Variants in NFKBIB observed in about 807,000 individuals in gnomAD.
NFKBIB encodes NF-kappa-B inhibitor beta.
In NFKBIB, 16 loss-of-function variants were observed where a neutral mutation model predicts 32.1. The observed-to-expected ratio is 0.50, with a 90% CI of 0.34 to 0.76. The LOEUF is 0.76. NFKBIB is among the 30% of genes least tolerant of loss of function. The pLI is 0.01. For missense variants in NFKBIB, 437 were observed against 514.9 expected (o/e 0.85, Z 1.46); for synonymous variants, 222 against 219.5 (o/e 1.01, Z -0.10).
intron 1 of NFKBIB, among the ~76,000 whole-genome samples, chr19:38,901,312 T>C (rs148530152): frequency 0.013 from 1,922 of 152,298 alleles, 21 homozygotes; most frequent in Non-Finnish European, 0.022. Context: ...ACTTTTTTTT[T>C]TGAAACGAAG....
At chr19:38,901,498 CTT>C (rs572932760) in intron 1 of NFKBIB, among the ~76,000 whole-genome samples, 11 of 140,090 alleles carry the variant, frequency 7.9e-5, no homozygotes, top group Admixed American at 1.4e-4. Context: ...TTCTCAAACT[CTT>C]TTTTTTTTTT....
chr19:38,899,903 T>C (rs1402883439), upstream of NFKBIB: 1 of 972,552 alleles, frequency 1.0e-6, no homozygotes, highest in African/African-American at 1.6e-5. Flanking sequence ...TGTGAGCGAT[T>C]CAGCATATTA....
At position 38,899,998 on chromosome 19, in the gene NFKBIB, G is replaced by C. The variant is rs541097945; in HGVS notation, c.-35G>C. ...TCCCGGCAAAGCCCAGCTACAGGCG[G>C]GCGACTGCGGGGGGCCCCTGAGGCG... On this transcript the variant is annotated 5_prime_UTR_variant, in exon 1 of 6. Transcript: ENST00000313582. 653 of 1,442,772 alleles carry C rather than the reference G, an allele frequency of 4.5e-4. 1 individual carries two copies. Among genetic ancestry groups the C allele is most frequent in the Non-Finnish European group, 5.6e-4 (614 of 1,101,680 alleles). 89.4% of individuals were successfully genotyped at this position (1,442,772 alleles called of 1,614,324 possible).
At chr19:38,907,717 C>T in intron 5 of NFKBIB, 58 bp downstream of exon 5, 1 of 1,491,622 alleles carries the variant, frequency 6.7e-7, no homozygotes, top group South Asian at 1.3e-5. Context: ...GACCGGCAGG[C>T]AAGAAGCCCA....
chr19:38,904,977 C>A, intron 1 of NFKBIB, 38 bp from the exon 2 acceptor site: 1 of 1,596,388 alleles, frequency 6.3e-7, no homozygotes, highest in Non-Finnish European at 8.6e-7. Flanking sequence ...TGCAAGAGGA[C>A]TTGAACTTTG....
intron 5 of NFKBIB, 89 bp downstream of exon 5, chr19:38,907,748 C>A (rs747397652): frequency 2.0e-6 from 3 of 1,466,442 alleles, no homozygotes; most frequent in Non-Finnish European, 2.7e-6. Context: ...TAGGCACCGA[C>A]CTTGGGCTGC....
intron 1 of NFKBIB, among the ~76,000 whole-genome samples, chr19:38,900,979 T>G (rs1973937344): frequency 6.8e-6 from 1 of 147,312 alleles, no homozygotes; most frequent in Admixed American, 7.1e-5. Flanking sequence ...ACATAGAAAG[T>G]AAGAAAAGGA....
Position 38,900,206 on chromosome 19 carries a change from G to C in NFKBIB, c.174G>C (p.Gly58=). The change falls in exon 1 of 6, where the codon GGG becomes GGC. Residue 58 remains glycine (G), a synonymous_variant. Coordinates refer to ENST00000313582, the MANE Select transcript of NFKBIB (RefSeq NM_002503.5). The part of the protein sequence containing the change: ...PLVFGYVTED[G]DTALHLAVIH... Reference sequence around the variant, plus strand: ...TCTTCGGCTACGTCACTGAGGATGGGGACACGTGAGTGAACCTTAGGCTGC... The same window carrying C: ...TCTTCGGCTACGTCACTGAGGATGGCGACACGTGAGTGAACCTTAGGCTGC... The C allele has an allele frequency of 6.3e-7, 1 of 1,599,894 alleles. No individual in the cohort carries two copies. The highest frequency in any genetic ancestry group is 1.7e-4 in the Middle Eastern group (1 of 6,036).
rs899653567 is a variant in NFKBIB at position 38,900,284 on chromosome 19, G to GT, written c.179+73_179+74insT. ...CATTCCTCATTAATCTCTGATCCCT[G>GT]AGGCTTCCTAACCTCATACTCCTAA... On this transcript the variant is annotated intron_variant, in intron 1 of 5. Transcript: ENST00000313582. 81 of 1,457,222 alleles carry GT rather than the reference G, an allele frequency of 5.6e-5. No individual in the cohort carries two copies. In the African/African-American group the frequency reaches 7.9e-4, roughly 14 times the overall value. The allele number at this position is 1,457,222 out of a possible 1,614,324, so 90.3% of individuals were successfully genotyped here. A position where few individuals can be genotyped will look rare whatever the true frequency, so the allele number is the denominator to read the frequency against.
chr19:38,902,877 C>T (rs965581947), intron 1 of NFKBIB, among the ~76,000 whole-genome samples: 5 of 152,030 alleles, frequency 3.3e-5, no homozygotes, highest in African/African-American at 9.7e-5. Context: ...AGATCGAGAC[C>T]ATCCTGGCTA....
In NFKBIB at chr19:38,905,584, C is replaced by T; in HGVS notation, c.619+49C>T. The stretch of plus-strand genomic sequence containing the variant: ...ACTCAGCTCCTGGGCTAGGCGAGAG[C>T]ACCTGGCCCTGGGCTCAGCTTCCCT... On this transcript the variant is annotated intron_variant, in intron 3 of 5. Coordinates refer to ENST00000313582, the MANE Select transcript of NFKBIB (RefSeq NM_002503.5). The surrounding 1 kb of genome is among the most constrained non-coding windows in gnomAD (Gnocchi z 5.5). The T allele has an allele frequency of 6.9e-7, 1 of 1,455,076 alleles. No individual in the cohort carries two copies. The highest frequency in any genetic ancestry group is 9.3e-7 in the Non-Finnish European group (1 of 1,070,200). The allele number at this position is 1,455,076 out of a possible 1,614,324, so 90.1% of individuals were successfully genotyped here.
upstream of NFKBIB, chr19:38,899,933 G>C: frequency 8.3e-7 from 1 of 1,208,984 alleles, no homozygotes; most frequent in South Asian, 1.6e-5. Flanking sequence ...GAATCAGGGG[G>C]CGTGGTGGGG....
At chr19:38,907,144 C>T in intron 3 of NFKBIB, 77 bp from the exon 4 acceptor site, 1 of 1,352,056 alleles carries the variant, frequency 7.4e-7, no homozygotes, top group Non-Finnish European at 1.0e-6. Context: ...GCCACATGAC[C>T]CTCCCCCAGG....
At chr19:38,902,076 A>ATTTTTTTTTT (rs1444689459) in intron 1 of NFKBIB, among the ~76,000 whole-genome samples, 11 of 64,054 alleles carry the variant, frequency 1.7e-4, no homozygotes, top group Non-Finnish European at 2.3e-4. Context: ...AGTGTTTTTC[A>ATTTTTTTTTT]TTTTATTTCT....
Position 38,900,126 on chromosome 19 carries a change from G to T in NFKBIB, c.94G>T (p.Gly32Ter). Residue 32 changes from glycine to a stop codon, truncating the protein, a stop_gained, in exon 1 of 6, where the codon GGA (glycine) becomes TGA (stop). Transcript: ENST00000313582. LOFTEE classifies it high-confidence loss of function. Reference protein sequence around the residue: ...GSLGPDAAAPGGPGLGAELGP... With the variant: ...GSLGPDAAAP ...CCTGGGTCCGGACGCAGCGGCCCCC[G>T]GAGGACCTGGGTTGGGCGCGGAGTT... 6.3e-7 allele frequency: 1 copy of T among 1,586,948 alleles called. No homozygotes were observed. The highest frequency in any genetic ancestry group is 8.5e-7 in the Non-Finnish European group (1 of 1,170,604).
chr19:38,904,597 C>T (rs912893248), intron 1 of NFKBIB, among the ~76,000 whole-genome samples: 20 of 152,082 alleles, frequency 1.3e-4, no homozygotes, highest in Admixed American at 7.9e-4. Context: ...CTCTCTGCAC[C>T]GTGGCTTTGA....
At chr19:38,899,889 G>C, upstream of NFKBIB, 1 of 839,538 alleles carries the variant, frequency 1.2e-6, no homozygotes, top group South Asian at 1.8e-5. Flanking sequence ...GTACGAGGGC[G>C]GGGTGTGAGC....
chr19:38,907,286 G>T lies in NFKBIB; in HGVS notation c.685G>T (p.Ala229Ser). Reference protein sequence around the residue: ...DVEMVRLLRDAGADLDKPEPT... With the variant: ...DVEMVRLLRDSGADLDKPEPT... Reference sequence around the variant, plus strand: ...GGAGATGGTCCGGCTGCTCCGAGATGCTGGAGCTGACCTTGACAAACCGGT... The same window carrying T: ...GGAGATGGTCCGGCTGCTCCGAGATTCTGGAGCTGACCTTGACAAACCGGT... Residue 229 changes from alanine (A) to serine (S), a missense_variant, in exon 4 of 6, where the codon GCT (alanine) becomes TCT (serine). By Grantham distance (99) the Ala-to-Ser change is moderately conservative (BLOSUM62 1). Transcript: ENST00000313582. 6.2e-7 allele frequency: 1 copy of T among 1,613,616 alleles called. No homozygotes were observed.
At position 38,900,163 on chromosome 19, in the gene NFKBIB, T is replaced by G. The variant is rs1973898892; in HGVS notation, c.131T>G (p.Leu44Arg). The G allele has an allele frequency of 6.2e-7, 1 of 1,602,744 alleles. No individual in the cohort carries two copies. The highest frequency in any genetic ancestry group is 1.7e-5 in the Admixed American group (1 of 58,020). Residue 44 changes from leucine to arginine, a missense_variant, in exon 1 of 6, where the codon CTG becomes CGG. Physicochemically the swap from Leu to Arg is moderately radical, Grantham distance 102. Coordinates refer to ENST00000313582, the MANE Select transcript of NFKBIB (RefSeq NM_002503.5). ...PGLGAELGPG[L>R]SWAPLVFGYV... ...TTGGGCGCGGAGTTGGGCCCGGGGC[T>G]GTCGTGGGCTCCCCTCGTCTTCGGC...
Sources: gnomAD v4.1 joint callset for allele counts (sites outside exome capture counted in the v4.1 genomes callset) on GRCh38, gnomAD v4.1.1 for gene constraint, Gnocchi (gnomAD v3.1) non-coding constraint, MANE v1.5 for transcripts, NCBI Gene and HGNC (gene_info 2026-07-23, HGNC 2026-07-21) for gene names.